CLEC19A: variants seen among roughly 807,000 people sequenced by gnomAD.
The protein encoded by CLEC19A is C-type lectin domain family 19 member A.
Under a neutral mutation model 26.1 loss-of-function variants are expected in CLEC19A, and 21 were observed. The observed-to-expected ratio is 0.80, with a 90% confidence interval of 0.57 to 1.16. The LOEUF is 1.16. Among genes scored for constraint, CLEC19A ranks in the 50% most tolerant of loss-of-function variants. The pLI is 0.00. For synonymous variants in CLEC19A, 89 were observed against 88.6 expected (o/e 1.00, Z -0.03); for missense variants, 224 against 227.6 (o/e 0.98, Z 0.10).
chr16:19,304,384 C>T (rs1897905319), intron 3 of CLEC19A: 3 of 268,158 alleles, frequency 1.1e-5, no homozygotes, highest in Non-Finnish European at 2.0e-5. Context: ...ACCTGTTTGG[C>T]TTGGGTTCTC....
intron 3 of CLEC19A, among the ~76,000 whole-genome samples, chr16:19,306,653 C>T (rs143746255): frequency 9.6e-4 from 146 of 152,260 alleles, no homozygotes; most frequent in African/African-American, 3.3e-3. Context: ...CAGAGCTGGG[C>T]ACCATGTGTC....
At chr16:19,291,772 T>C (rs558300149) in intron 1 of CLEC19A, among the ~76,000 whole-genome samples, 32 of 152,304 alleles carry the variant, frequency 2.1e-4, no homozygotes, top group African/African-American at 6.7e-4. Flanking sequence ...AATGATCGTT[T>C]TGGTGCAAGC....
chr16:19,307,597 A>T lies in CLEC19A; in HGVS notation c.401A>T (p.Asp134Val). 6.5e-7 allele frequency: 1 copy of T among 1,548,336 alleles called. No homozygotes were observed. Among genetic ancestry groups the T allele is most frequent in the Non-Finnish European group, 8.7e-7 (1 of 1,146,808 alleles). ...DGSSYDYSYW[D>V]GSQPDDGVHA... ...TCATCCTATGACTACAGCTACTGGG[A>T]TGGCAGCCAGCCAGATGATGGCGTC... The change falls in exon 4 of 5, where the codon GAT becomes GTT. Residue 134 changes from aspartate to valine, a missense_variant. Asp to Val is a radical substitution (Grantham distance 152, BLOSUM62 -3). Coordinates refer to ENST00000636231, the MANE Select transcript of CLEC19A (RefSeq NM_001256720.2).
At chr16:19,307,521 T>C in intron 3 of CLEC19A, 24 bp from the exon 4 acceptor site, 1 of 1,546,424 alleles carries the variant, frequency 6.5e-7, no homozygotes, top group South Asian at 1.2e-5. Flanking sequence ...TGCTTCTTTG[T>C]CTCTTTGGGT....
chr16:19,298,243 C>CAAAA (rs377007663), intron 1 of CLEC19A, among the ~76,000 whole-genome samples: 1 of 127,450 alleles, frequency 7.8e-6, no homozygotes. Context: ...AACTCAATCT[C>CAAAA]AAAAAAAAAA....
At chr16:19,294,981 T>A (rs1364303920) in intron 1 of CLEC19A, among the ~76,000 whole-genome samples, 1 of 152,066 alleles carries the variant, frequency 6.6e-6, no homozygotes, top group East Asian at 1.9e-4. Flanking sequence ...TGTGGGGAGT[T>A]GTTCAATATA....
chr16:19,301,727 G>GTTTTTTTT, intron 2 of CLEC19A, among the ~76,000 whole-genome samples: 1 of 28,556 alleles, frequency 3.5e-5, no homozygotes. Context: ...CCATGCCCAG[G>GTTTTTTTT]TTTTTTTGGT....
At chr16:19,291,614 G>A (rs1334889041) in intron 1 of CLEC19A, among the ~76,000 whole-genome samples, 1 of 152,224 alleles carries the variant, frequency 6.6e-6, no homozygotes, top group African/African-American at 2.4e-5. Flanking sequence ...TTACCTGACT[G>A]TCAAGCTATA....
In CLEC19A at chr16:19,309,125, T is replaced by C; in HGVS notation, c.*42T>C. On this transcript the variant is annotated 3_prime_UTR_variant, in exon 5 of 5. Coordinates refer to ENST00000636231, the MANE Select transcript of CLEC19A (RefSeq NM_001256720.2). ...TGGTGTGAGCTCAACTCTAGTATCA[T>C]CTTGTAGCTGTAACCAGTGTAGAAT... is the stretch of plus-strand genomic sequence containing the variant. The C allele has an allele frequency of 7.1e-7, 1 of 1,411,070 alleles. No individual in the cohort carries two copies. Among genetic ancestry groups the C allele is most frequent in the East Asian group, 2.5e-5 (1 of 40,314 alleles). 87.4% of individuals were successfully genotyped at this position (1,411,070 alleles called of 1,614,324 possible).
At chr16:19,296,518 A>C (rs1201102997) in intron 1 of CLEC19A, among the ~76,000 whole-genome samples, 3 of 152,172 alleles carry the variant, frequency 2.0e-5, no homozygotes, top group African/African-American at 7.2e-5. Flanking sequence ...AACTCCATGA[A>C]GCAGGTGCTA....
rs550913735 is a variant in CLEC19A, at chr16:19,287,021, C to CTT, written c.88+1099_88+1100dup. ...AAATCAAATTTAACTAGGTATCCTT[C>CTT]TTTTTTTTTTTTTTTTTTGTTAATC... On this transcript the variant is annotated intron_variant, in intron 1 of 4. Transcript: ENST00000636231. Among the ~76,000 whole-genome samples, 82 of 123,142 alleles carry CTT rather than the reference C, an allele frequency of 6.7e-4. 1 individual carries two copies. The highest frequency in any genetic ancestry group is 4.0e-3 in the Middle Eastern group (1 of 250). The allele number at this position is 123,142 out of a possible 152,430, so 80.8% of individuals were successfully genotyped here. A position where few individuals can be genotyped will look rare whatever the true frequency, so the allele number is the denominator to read the frequency against.
chr16:19,294,855 T>A (rs932148975), intron 1 of CLEC19A, among the ~76,000 whole-genome samples: 4 of 152,064 alleles, frequency 2.6e-5, no homozygotes, highest in African/African-American at 7.2e-5. Flanking sequence ...TTTGCTGTGA[T>A]GTTTTGTGTT....
rs201640788 is a variant in CLEC19A, at chr16:19,309,302, TTA to T, written c.*220_*221del. ...TTAATTTTTTAAAGTGTTTTTTTTT[TTA>T]AATTGACCCAAGTAACAAAAATCCA... On this transcript the variant is annotated 3_prime_UTR_variant, in exon 5 of 5. Coordinates refer to ENST00000636231, the MANE Select transcript of CLEC19A (RefSeq NM_001256720.2). 2.1e-3 allele frequency: 997 copies of T among 467,834 alleles called. No individual in the cohort carries two copies. The highest frequency in any genetic ancestry group is 6.4e-3 in the East Asian group (161 of 25,162). 29.0% of individuals were successfully genotyped at this position (467,834 alleles called of 1,614,324 possible). A position where few individuals can be genotyped will look rare whatever the true frequency, so the allele number is the denominator to read the frequency against.
At chr16:19,291,399 C>T (rs1043298301) in intron 1 of CLEC19A, among the ~76,000 whole-genome samples, 2 of 152,334 alleles carry the variant, frequency 1.3e-5, no homozygotes, top group East Asian at 3.9e-4. Context: ...CTTCAAATCC[C>T]AGCTGGGAGC....
intron 1 of CLEC19A, among the ~76,000 whole-genome samples, chr16:19,298,157 G>A (rs1331459251): frequency 2.0e-5 from 3 of 150,652 alleles, no homozygotes; most frequent in African/African-American, 7.3e-5. Context: ...CAGGAGAATC[G>A]CTTGAACCCA....
At chr16:19,295,920 C>T (rs934527564) in intron 1 of CLEC19A, among the ~76,000 whole-genome samples, 28 of 152,188 alleles carry the variant, frequency 1.8e-4, no homozygotes, top group Non-Finnish European at 3.8e-4. Flanking sequence ...TGGCCATTGA[C>T]GCTTTAACGC....
At chr16:19,297,701 C>G (rs1897734680) in intron 1 of CLEC19A, among the ~76,000 whole-genome samples, 1 of 152,076 alleles carries the variant, frequency 6.6e-6, no homozygotes, top group African/African-American at 2.4e-5. Flanking sequence ...TGCTTATACT[C>G]TTTAATTTTT....
At chr16:19,297,079 C>T (rs1039082404) in intron 1 of CLEC19A, among the ~76,000 whole-genome samples, 7 of 152,110 alleles carry the variant, frequency 4.6e-5, no homozygotes, top group Non-Finnish European at 7.4e-5. Context: ...CATCCTGAGT[C>T]GTGGTTTCCA....
At chr16:19,304,378 G>A (rs978847195) in intron 3 of CLEC19A, 1 of 284,126 alleles carries the variant, frequency 3.5e-6, no homozygotes, top group Non-Finnish European at 6.4e-6. Context: ...GAGAAAACCT[G>A]TTTGGCTTGG....
Sources: allele counts gnomAD v4.1 joint callset (sites outside exome capture counted in the v4.1 genomes callset), GRCh38; gene constraint gnomAD v4.1.1; transcripts MANE v1.5; gene names NCBI Gene and HGNC (gene_info 2026-07-23, HGNC 2026-07-21).